The following PRKG2 variants were observed in gnomAD, a reference collection of about 807,000 sequenced individuals.
The protein encoded by PRKG2 is protein kinase cGMP-dependent 2, also known as cGMP-dependent protein kinase 2.
PRKG2 carries 33 observed loss-of-function variants against 97.2 expected under a neutral mutation model. The ratio of observed to expected loss-of-function variants is 0.34; its 90% CI spans 0.26 to 0.45. The LOEUF is 0.45. PRKG2 is among the 20% of genes least tolerant of loss of function. The probability of loss-of-function intolerance (pLI) is 1.00; values close to 1 mark genes in which losing one functional copy is unlikely to be tolerated. For synonymous variants in PRKG2, 330 were observed against 321.8 expected, an observed-to-expected ratio of 1.03 and a Z score of -0.27; for missense variants, 638 against 900.0, an observed-to-expected ratio of 0.71 and a Z score of 3.73.
chr4:81,199,413 T>C (rs1216084786), intron 2 of PRKG2, among the ~76,000 whole-genome samples: 1 of 152,178 alleles, frequency 6.6e-6, no homozygotes, highest in African/African-American at 2.4e-5. Flanking sequence ...CCACCTCTGA[T>C]TGTTATCTTG....
rs780598203 is a variant in PRKG2 at position 81,144,610 on chromosome 4, A to ATT, written c.1155-282_1155-281dup. Among the ~76,000 whole-genome samples, 1,103 of 140,052 alleles carry ATT rather than the reference A, an allele frequency of 7.9e-3. 11 individuals carry two copies. Among genetic ancestry groups the ATT allele is most frequent in the East Asian group, 0.026 (131 of 5,030 alleles). 91.9% of individuals were successfully genotyped at this position (140,052 alleles called of 152,430 possible). A position where few individuals can be genotyped will look rare whatever the true frequency, so the allele number is the denominator to read the frequency against. ...TATTTAAGGTTATATATATATATAT[A>ATT]TTTTTTTTTTATTATACTTTAAGTT... On this transcript the variant is annotated intron_variant, in intron 9 of 18. Transcript: ENST00000264399.
At chr4:81,176,476 G>C (rs1750940981) in intron 2 of PRKG2, among the ~76,000 whole-genome samples, 1 of 152,004 alleles carries the variant, frequency 6.6e-6, no homozygotes, top group Non-Finnish European at 1.5e-5. Flanking sequence ...AATATATATT[G>C]AGAACATATC....
chr4:81,116,632 C>A (rs1251261567), intron 14 of PRKG2, among the ~76,000 whole-genome samples: 4 of 152,224 alleles, frequency 2.6e-5, no homozygotes, highest in African/African-American at 9.6e-5. Flanking sequence ...ATTTACAATC[C>A]CCTCAGCAGT....
upstream of PRKG2, among the ~76,000 whole-genome samples, chr4:81,215,604 C>T (rs536824472): frequency 7.9e-5 from 12 of 151,942 alleles, no homozygotes; most frequent in Non-Finnish European, 1.3e-4. Flanking sequence ...CGCCTTCCCT[C>T]CCAGAGCTCA....
intron 17 of PRKG2, among the ~76,000 whole-genome samples, chr4:81,094,876 T>A (rs1453364888): frequency 6.6e-6 from 1 of 152,118 alleles, no homozygotes; most frequent in African/African-American, 2.4e-5. Context: ...TTTCTACGTG[T>A]AGTGAAAGAA....
intron 2 of PRKG2, among the ~76,000 whole-genome samples, chr4:81,183,951 C>G (rs1419413957): frequency 6.6e-6 from 1 of 152,216 alleles, no homozygotes; most frequent in Non-Finnish European, 1.5e-5. Context: ...TAGATTCCCC[C>G]TCTCTGGGCA....
upstream of PRKG2, among the ~76,000 whole-genome samples, chr4:81,217,031 G>GTGTATATATATA (rs1553933203): frequency 3.2e-4 from 37 of 115,278 alleles, no homozygotes; most frequent in African/African-American, 1.1e-3. Context: ...TATATATTTT[G>GTGTATATATATA]TATATATATA....
intron 14 of PRKG2, among the ~76,000 whole-genome samples, chr4:81,134,761 C>T (rs994986516): frequency 1.3e-5 from 2 of 152,074 alleles, no homozygotes; most frequent in African/African-American, 2.4e-5. Context: ...TTTATCTTCT[C>T]TTTATATATA....
chr4:81,211,783 T>C (rs929118970), intron 1 of PRKG2, among the ~76,000 whole-genome samples: 2 of 152,064 alleles, frequency 1.3e-5, no homozygotes, highest in African/African-American at 4.8e-5. Context: ...CATTGCCATA[T>C]GAGATTCAAT....
chr4:81,092,352 A>C (rs767579390), intron 18 of PRKG2, 34 bp downstream of exon 18: 16 of 1,417,754 alleles, frequency 1.1e-5, no homozygotes, highest in Non-Finnish European at 1.4e-5. Context: ...ATCCCTGGGA[A>C]AAAAATAAAA....
intron 17 of PRKG2, 103 bp from the exon 18 acceptor site, chr4:81,092,555 T>C (rs1741687807): frequency 1.1e-5 from 8 of 742,502 alleles, no homozygotes; most frequent in Non-Finnish European, 1.6e-5. Context: ...ACTTGGATGA[T>C]AAACTATTAG....
intron 8 of PRKG2, 90 bp downstream of exon 8, chr4:81,151,870 G>T: frequency 2.0e-6 from 2 of 992,728 alleles, no homozygotes; most frequent in Non-Finnish European, 3.1e-6. Flanking sequence ...CCATTAACTT[G>T]GTAGCTCAAT....
intron 17 of PRKG2, among the ~76,000 whole-genome samples, chr4:81,104,035 A>C (rs575637572): frequency 1.7e-3 from 262 of 151,856 alleles, no homozygotes; most frequent in African/African-American, 6.0e-3. Context: ...TGTCATAAGA[A>C]AAACAAACAA....
chr4:81,203,586 G>T (rs762429681), intron 2 of PRKG2, among the ~76,000 whole-genome samples: 4 of 152,132 alleles, frequency 2.6e-5, no homozygotes, highest in African/African-American at 4.8e-5. Flanking sequence ...CGAGGCAAAA[G>T]ATTTAATTTC....
chr4:81,216,475 G>A (rs889035162), upstream of PRKG2, among the ~76,000 whole-genome samples: 5 of 152,038 alleles, frequency 3.3e-5, no homozygotes, highest in Admixed American at 1.3e-4. Flanking sequence ...TTGATGGGCT[G>A]AATTTTTATT....
intron 6 of PRKG2, among the ~76,000 whole-genome samples, chr4:81,166,784 T>C (rs1446502447): frequency 2.0e-5 from 3 of 152,130 alleles, no homozygotes; most frequent in Non-Finnish European, 4.4e-5. Flanking sequence ...CTCTGCTCCA[T>C]TTCTTAATTA....
chr4:81,191,334 C>T (rs916538259), intron 2 of PRKG2, among the ~76,000 whole-genome samples: 1 of 151,926 alleles, frequency 6.6e-6, no homozygotes, highest in African/African-American at 2.4e-5. Flanking sequence ...AACACAGGAA[C>T]AGAAAACAAA....
intron 17 of PRKG2, among the ~76,000 whole-genome samples, chr4:81,093,009 C>A (rs1741742595): frequency 6.6e-6 from 1 of 152,130 alleles, no homozygotes; most frequent in Non-Finnish European, 1.5e-5. Context: ...TGCCTCGGTT[C>A]AATACTTCCC....
intron 6 of PRKG2, among the ~76,000 whole-genome samples, chr4:81,158,707 G>C (rs988880923): frequency 6.6e-6 from 1 of 152,090 alleles, no homozygotes; most frequent in African/African-American, 2.4e-5. Context: ...ATACTACAAG[G>C]CTATAGTAAC....
Sources: allele counts gnomAD v4.1 joint callset (sites outside exome capture counted in the v4.1 genomes callset), GRCh38; gene constraint gnomAD v4.1.1; transcripts MANE v1.5; gene names NCBI Gene and HGNC (gene_info 2026-07-23, HGNC 2026-07-21).